Variants in FBXL13 observed in about 807,000 individuals in gnomAD.
FBXL13 encodes the protein F-box and leucine-rich repeat protein 13.
Under a neutral mutation model 83.6 loss-of-function variants are expected in FBXL13, and 67 were observed. The ratio of observed to expected loss-of-function variants is 0.80; its 90% CI spans 0.66 to 0.98. FBXL13 has a LOEUF of 0.98. Among genes scored for constraint, FBXL13 ranks in the 50% least tolerant of loss-of-function variants. FBXL13 has a pLI of 0.00. For missense variants in FBXL13, 822 were observed against 866.5 expected (o/e 0.95, Z 0.64); for synonymous variants, 272 against 299.5 (o/e 0.91, Z 0.95).
intron 1 of FBXL13, among the ~76,000 whole-genome samples, chr7:103,063,684 A>G (rs1259057449): frequency 6.8e-6 from 1 of 147,312 alleles, no homozygotes; most frequent in Non-Finnish European, 1.5e-5. Flanking sequence ...CCAGTTAACA[A>G]TTGGTGAAGC....
At chr7:102,822,631 A>G (rs181352975) in intron 18 of FBXL13, among the ~76,000 whole-genome samples, 141 of 152,368 alleles carry the variant, frequency 9.3e-4, no homozygotes, top group Non-Finnish European at 1.8e-3. Flanking sequence ...CATTCAATTC[A>G]TAACAAATAG....
intron 10 of FBXL13, among the ~76,000 whole-genome samples, chr7:102,919,144 C>T (rs1026032654): frequency 1.3e-5 from 2 of 152,308 alleles, no homozygotes; most frequent in Non-Finnish European, 1.5e-5. Flanking sequence ...AGCTTAAAAT[C>T]GGCCACAGTG....
intron 6 of FBXL13, among the ~76,000 whole-genome samples, chr7:103,024,104 T>A (rs138232638): frequency 6.0e-4 from 81 of 135,876 alleles, no homozygotes; most frequent in African/African-American, 2.0e-3. Context: ...AACCTTCACA[T>A]GTACTCCCTC....
At chr7:102,890,999 T>C (rs892308153) in intron 11 of FBXL13, among the ~76,000 whole-genome samples, 2 of 152,346 alleles carry the variant, frequency 1.3e-5, no homozygotes, top group African/African-American at 4.8e-5. Context: ...ACTTAGCAAG[T>C]AGAATGAACT....
chr7:102,848,248 T>C (rs901277500), intron 17 of FBXL13, among the ~76,000 whole-genome samples: 2 of 152,182 alleles, frequency 1.3e-5, no homozygotes, highest in Non-Finnish European at 2.9e-5. Flanking sequence ...CATTTAGAGA[T>C]AATCTGCATA....
At chr7:102,892,872 A>G (rs902081153) in intron 11 of FBXL13, among the ~76,000 whole-genome samples, 2 of 152,260 alleles carry the variant, frequency 1.3e-5, no homozygotes, top group East Asian at 3.9e-4. Context: ...TCTCTTCCCA[A>G]CTTCCTGTTG....
intron 1 of FBXL13, among the ~76,000 whole-genome samples, chr7:103,067,573 G>A (rs1003461334): frequency 1.3e-5 from 2 of 152,216 alleles, no homozygotes; most frequent in African/African-American, 4.8e-5. Context: ...CCTCCACGCT[G>A]TGAGGAAGCT....
At chr7:102,976,084 G>T (rs373730299) in intron 6 of FBXL13, 47 of 766,334 alleles carry the variant, frequency 6.1e-5, no homozygotes, top group African/African-American at 5.7e-4. Context: ...CCCCTGCAAG[G>T]ACCACCCCCA....
intron 2 of FBXL13, among the ~76,000 whole-genome samples, chr7:103,041,868 A>G (rs1795745700): frequency 6.6e-6 from 1 of 152,224 alleles, no homozygotes; most frequent in African/African-American, 2.4e-5. Flanking sequence ...CCAATATCCT[A>G]CTGAATGGGC....
intron 17 of FBXL13, among the ~76,000 whole-genome samples, chr7:102,848,555 CAAAAAAAAAAAAAAAAAAAAAAAAAAAA>C (rs59060531): frequency 3.8e-3 from 7 of 1,822 alleles, no homozygotes; most frequent in African/African-American, 6.3e-3. Flanking sequence ...GACTCCGTCT[CAAAAAAAAAAAAAAAAAAAAAAAAAAAA>C]AAAAAAAAAA....
At chr7:103,052,616 T>C (rs75086854) in intron 2 of FBXL13, among the ~76,000 whole-genome samples, 1,672 of 152,322 alleles carry the variant, frequency 0.011, 35 homozygotes, top group African/African-American at 0.039. Context: ...TATCTCATTT[T>C]TATTATTTCC....
chr7:102,964,591 C>G (rs551272453), intron 7 of FBXL13, among the ~76,000 whole-genome samples: 2 of 151,568 alleles, frequency 1.3e-5, no homozygotes, highest in Non-Finnish European at 2.9e-5. Context: ...TTAGTAGAGA[C>G]GAGGTTTCAC....
At chr7:103,013,599 A>C (rs1563218284) in intron 6 of FBXL13, among the ~76,000 whole-genome samples, 2 of 152,382 alleles carry the variant, frequency 1.3e-5, no homozygotes, top group East Asian at 1.9e-4. Flanking sequence ...GAAAAAAGAT[A>C]CAAGATATCA....
At chr7:103,006,553 T>A (rs2129486058) in intron 6 of FBXL13, among the ~76,000 whole-genome samples, 1 of 152,300 alleles carries the variant, frequency 6.6e-6, no homozygotes, top group South Asian at 2.1e-4. Context: ...TTACTCTAGA[T>A]TTTCCCTTAA....
At chr7:102,931,916 G>C (rs149803390) in exon 9 of FBXL13, 2 of 1,613,572 alleles carry the variant, frequency 1.2e-6, no homozygotes, top group South Asian at 1.1e-5. Flanking sequence ...TTCAACTCTT[G>C]CAAGTTCCTA....
intron 14 of FBXL13, among the ~76,000 whole-genome samples, chr7:102,882,635 AC>A (rs1810253396): frequency 6.6e-6 from 1 of 152,074 alleles, no homozygotes; most frequent in Non-Finnish European, 1.5e-5. Context: ...GCTGGCACAC[AC>A]CTGTAATCTC....
At chr7:102,884,153 C>T in intron 12 of FBXL13, 61 bp downstream of exon 13, 4 of 1,154,354 alleles carry the variant, frequency 3.5e-6, no homozygotes, top group Non-Finnish European at 5.2e-6. Flanking sequence ...GTAATTCAAG[C>T]CATTAGAACA....
intron 1 of FBXL13, among the ~76,000 whole-genome samples, chr7:103,073,632 C>G (rs1799262324): frequency 6.6e-6 from 1 of 152,116 alleles, no homozygotes; most frequent in African/African-American, 2.4e-5. Context: ...TAATGAATAT[C>G]CTTGTACATC....
intron 11 of FBXL13, among the ~76,000 whole-genome samples, 172 bp from the exon 13 acceptor site, chr7:102,884,484 A>AT (rs1255137040): frequency 2.0e-5 from 3 of 152,034 alleles, no homozygotes; most frequent in Non-Finnish European, 4.4e-5. Context: ...TTTTTATTTA[A>AT]TTTTTTATCG....
Sources: allele counts gnomAD v4.1 joint callset (sites outside exome capture counted in the v4.1 genomes callset), GRCh38; gene constraint gnomAD v4.1.1; transcripts MANE v1.5; gene names NCBI Gene and HGNC (gene_info 2026-07-23, HGNC 2026-07-21).